The following MATN2 variants were observed in gnomAD, a reference collection of about 807,000 sequenced individuals.
MATN2 encodes the protein matrilin-2.
MATN2 carries 69 observed loss-of-function variants against 103.2 expected under a neutral mutation model. The observed-to-expected ratio is 0.67, with a 90% confidence interval of 0.55 to 0.82. The LOEUF is 0.82. MATN2 is among the 40% of genes least tolerant of loss of function. MATN2 has a pLI of 0.00. For missense variants in MATN2, 1,023 were observed against 1,211.5 expected (o/e 0.84, Z 2.31); for synonymous variants, 429 against 450.2 (o/e 0.95, Z 0.60).
Position 98,035,942 on chromosome 8 carries a change from G to GA in MATN2, c.*232dup. On this transcript the variant is annotated 3_prime_UTR_variant, in exon 19 of 19. Coordinates refer to ENST00000254898, the MANE Select transcript of MATN2 (RefSeq NM_002380.5). The stretch of plus-strand genomic sequence containing the variant: ...ATTCTAAGATGAATTTACCAGGTGA[G>GA]AATGAATAAGCTATGCAAGGTATTT... The GA allele has an allele frequency of 2.6e-6, 1 of 386,246 alleles. No homozygotes were observed. The highest frequency in any genetic ancestry group is 9.5e-5 in the South Asian group (1 of 10,542). 23.9% of individuals were successfully genotyped at this position (386,246 alleles called of 1,614,324 possible).
chr8:97,996,383 C>A (rs187559475), intron 7 of MATN2, among the ~76,000 whole-genome samples: 2 of 151,932 alleles, frequency 1.3e-5, no homozygotes, highest in Non-Finnish European at 2.9e-5. Context: ...AGGGAGTGAC[C>A]GTTTTGGAGT....
At chr8:98,024,028 C>G (rs548534622) in intron 13 of MATN2, among the ~76,000 whole-genome samples, 1 of 151,942 alleles carries the variant, frequency 6.6e-6, no homozygotes, top group Non-Finnish European at 1.5e-5. Context: ...CAACACACAC[C>G]GGGGCCTGTT....
At chr8:97,994,054 G>GAGAAAGAAAGAAAGAAAGAAAA (rs1421013247) in intron 6 of MATN2, among the ~76,000 whole-genome samples, 2 of 141,040 alleles carry the variant, frequency 1.4e-5, no homozygotes, top group East Asian at 2.0e-4. Flanking sequence ...GAAAGGAAGA[G>GAGAAAGAAAGAAAGAAAGAAAA]AGAAAGAAAG....
chr8:97,870,485 T>C (rs1171512676), intron 1 of MATN2, among the ~76,000 whole-genome samples: 1 of 151,326 alleles, frequency 6.6e-6, no homozygotes, highest in Admixed American at 6.6e-5. Context: ...GCCATTGCAC[T>C]CCAGCCTGGG....
intron 2 of MATN2, among the ~76,000 whole-genome samples, chr8:97,920,363 A>C (rs929172867): frequency 5.3e-5 from 8 of 152,264 alleles, no homozygotes; most frequent in Middle Eastern, 6.8e-3. Flanking sequence ...GCACGCCACC[A>C]TGCCTGGCTA....
intron 1 of MATN2, among the ~76,000 whole-genome samples, chr8:97,873,077 G>A (rs1817953254): frequency 6.6e-6 from 1 of 152,200 alleles, no homozygotes; most frequent in Non-Finnish European, 1.5e-5. Context: ...TCACATGCGT[G>A]AGCCAACCGC....
chr8:97,990,401 T>C (rs1812355608), intron 6 of MATN2, among the ~76,000 whole-genome samples: 1 of 152,192 alleles, frequency 6.6e-6, no homozygotes, highest in Non-Finnish European at 1.5e-5. Flanking sequence ...ACGGAGCAAC[T>C]GGAACTCTCA....
chr8:97,940,357 CT>C (rs1239952378), intron 3 of MATN2, among the ~76,000 whole-genome samples: 2 of 152,162 alleles, frequency 1.3e-5, no homozygotes, highest in African/African-American at 4.8e-5. Flanking sequence ...ACAAAAAAAG[CT>C]GTTTGTTTCA....
chr8:97,958,469 T>C (rs1014193032), intron 4 of MATN2, among the ~76,000 whole-genome samples: 2 of 152,290 alleles, frequency 1.3e-5, no homozygotes, highest in African/African-American at 2.4e-5. Flanking sequence ...TATAAACACA[T>C]ACGTAGTTAA....
intron 18 of MATN2, chr8:98,034,032 G>A (rs1005074624): frequency 1.5e-5 from 6 of 398,540 alleles, no homozygotes; most frequent in African/African-American, 1.3e-4. Context: ...TATAGACAAA[G>A]AATGTTGTAG....
chr8:98,013,315 C>T (rs571440538), intron 10 of MATN2, among the ~76,000 whole-genome samples: 2 of 152,306 alleles, frequency 1.3e-5, no homozygotes, highest in East Asian at 1.9e-4. Context: ...AAATGTGAGT[C>T]GTGCATTTTG....
At chr8:97,876,186 ATTTTTTT>A (rs899171638) in intron 1 of MATN2, among the ~76,000 whole-genome samples, 3 of 106,300 alleles carry the variant, frequency 2.8e-5, no homozygotes, top group Non-Finnish European at 3.9e-5. Flanking sequence ...TAATTATTGT[ATTTTTTT>A]TTTTTTTTTT....
intron 5 of MATN2, among the ~76,000 whole-genome samples, chr8:97,973,440 A>G (rs935563960): frequency 6.6e-6 from 1 of 152,242 alleles, no homozygotes; most frequent in Non-Finnish European, 1.5e-5. Context: ...CTAAAAAACT[A>G]TATATGCAAA....
At chr8:97,878,339 G>A (rs1249404122) in intron 1 of MATN2, among the ~76,000 whole-genome samples, 1 of 152,136 alleles carries the variant, frequency 6.6e-6, no homozygotes, top group Non-Finnish European at 1.5e-5. Context: ...CAAGGCTGGA[G>A]GATCATTGAG....
chr8:97,943,473 TC>T (rs1810643451), intron 4 of MATN2, among the ~76,000 whole-genome samples: 1 of 151,758 alleles, frequency 6.6e-6, no homozygotes, highest in Non-Finnish European at 1.5e-5. Flanking sequence ...TCCTTCTTCT[TC>T]TTTTCCTTTG....
At chr8:97,924,618 C>G (rs563830946) in intron 2 of MATN2, among the ~76,000 whole-genome samples, 1 of 152,158 alleles carries the variant, frequency 6.6e-6, no homozygotes, top group Admixed American at 6.5e-5. Context: ...CTGAACTCTC[C>G]GTAAGCGCTT....
At chr8:98,011,680 T>C (rs2130401142) in intron 10 of MATN2, among the ~76,000 whole-genome samples, 1 of 152,352 alleles carries the variant, frequency 6.6e-6, no homozygotes, top group East Asian at 1.9e-4. Context: ...ATCTGTCGGC[T>C]TCTGGTTACT....
chr8:97,979,875 A>G (rs1367196208), intron 6 of MATN2, among the ~76,000 whole-genome samples: 1 of 152,226 alleles, frequency 6.6e-6, no homozygotes, highest in East Asian at 1.9e-4. Context: ...TTCACTATGT[A>G]AAACAGGATA....
At position 98,007,706 on chromosome 8, in the gene MATN2, T is replaced by C; in HGVS notation, c.1573+105T>C. 7.4e-7 allele frequency: 1 copy of C among 1,343,854 alleles called. No homozygotes were observed. The highest frequency in any genetic ancestry group is 1.4e-5 in the South Asian group (1 of 70,334). The allele number at this position is 1,343,854 out of a possible 1,614,324, so 83.2% of individuals were successfully genotyped here. A position where few individuals can be genotyped will look rare whatever the true frequency, so the allele number is the denominator to read the frequency against. ...TGCCTGTGTGTCCTGTCTCCAGGCTTTGCTGGGCCTGCATGAATGTGTGTG... is the reference window on the plus strand; with the variant it reads ...TGCCTGTGTGTCCTGTCTCCAGGCTCTGCTGGGCCTGCATGAATGTGTGTG... On this transcript the variant is annotated intron_variant, in intron 10 of 18. Coordinates refer to ENST00000254898, the MANE Select transcript of MATN2 (RefSeq NM_002380.5). This position sits in a 1 kb window ranked among gnomAD's most constrained non-coding sequence, Gnocchi z 4.2.
Sources: gnomAD v4.1 joint callset for allele counts (sites outside exome capture counted in the v4.1 genomes callset) on GRCh38, gnomAD v4.1.1 for gene constraint, Gnocchi (gnomAD v3.1) non-coding constraint, MANE v1.5 for transcripts, NCBI Gene and HGNC (gene_info 2026-07-23, HGNC 2026-07-21) for gene names.